The following ACO1 variants were observed in gnomAD, a reference collection of about 807,000 sequenced individuals.
ACO1 encodes the protein aconitase 1.
Under a neutral mutation model 105.1 loss-of-function variants are expected in ACO1, and 78 were observed. That is an observed-to-expected ratio of 0.74 (90% confidence interval 0.62 to 0.90). The LOEUF (loss-of-function observed/expected upper bound fraction) is 0.90, where lower values mean the gene tolerates loss of function less well. Ranked by LOEUF, ACO1 falls within the 40% of genes least tolerant of loss-of-function variation. The pLI, the probability that ACO1 is intolerant of heterozygous loss-of-function variation, is 0.00. For synonymous variants in ACO1, 364 were observed against 397.4 expected (o/e 0.92, Z 1.00); for missense variants, 965 against 1,111.1 (o/e 0.87, Z 1.87).
At chr9:32,411,134 A>G (rs1821729133) in intron 4 of ACO1, among the ~76,000 whole-genome samples, 1 of 152,152 alleles carries the variant, frequency 6.6e-6, no homozygotes, top group Non-Finnish European at 1.5e-5. Flanking sequence ...TTGAGCCCAA[A>G]GCTGGAATGG....
intron 19 of ACO1, among the ~76,000 whole-genome samples, chr9:32,446,841 T>C (rs1027100450): frequency 2.6e-5 from 4 of 152,196 alleles, no homozygotes; most frequent in African/African-American, 9.7e-5. Context: ...CCTTAACATA[T>C]GAAGCTTAGT....
chr9:32,431,575 G>C, intron 14 of ACO1, 144 bp from the exon 15 acceptor site: 1 of 826,520 alleles, frequency 1.2e-6, no homozygotes, highest in Non-Finnish European at 1.9e-6. Context: ...ATTTCCTCCA[G>C]TGGCAGTGAT....
chr9:32,402,599 G>A (rs534684665), intron 1 of ACO1, among the ~76,000 whole-genome samples: 71 of 152,262 alleles, frequency 4.7e-4, no homozygotes, highest in African/African-American at 1.7e-3. Flanking sequence ...AGAGCCTGAA[G>A]GACCAGTGAT....
chr9:32,425,888 G>C lies in ACO1; in HGVS notation c.1239G>C (p.Lys413Asn). Residue 413 changes from lysine (K) to asparagine (N), a missense_variant, in exon 11 of 21, where the codon AAG (lysine) becomes AAC (asparagine). Transcript: ENST00000309951. Reference protein sequence around the residue: ...QVAPEHHNDHKTFIYDNTEFT... With the variant: ...QVAPEHHNDHNTFIYDNTEFT... ...CTCCTGAACATCATAATGACCATAAGACCTTTATCTATGATAACACTGAAT... is the reference window on the plus strand; with the variant it reads ...CTCCTGAACATCATAATGACCATAACACCTTTATCTATGATAACACTGAAT... 1 of 1,613,832 alleles carries C rather than the reference G, an allele frequency of 6.2e-7. No individual in the cohort carries two copies. Among genetic ancestry groups the C allele is most frequent in the Non-Finnish European group, 8.5e-7 (1 of 1,179,840 alleles).
chr9:32,426,359 G>A (rs969552355), intron 11 of ACO1, among the ~76,000 whole-genome samples: 2 of 152,202 alleles, frequency 1.3e-5, no homozygotes, highest in African/African-American at 4.8e-5. Flanking sequence ...GCAGGATTGA[G>A]TTCTGACGTG....
intron 3 of ACO1, among the ~76,000 whole-genome samples, chr9:32,408,023 A>T (rs568230532): frequency 1.2e-4 from 19 of 152,362 alleles, no homozygotes; most frequent in African/African-American, 4.3e-4. Context: ...CTAGAGGAAG[A>T]TCACCAAAAT....
At chr9:32,389,367 A>G (rs1302631319) in intron 1 of ACO1, among the ~76,000 whole-genome samples, 1 of 152,192 alleles carries the variant, frequency 6.6e-6, no homozygotes, top group Non-Finnish European at 1.5e-5. Context: ...ATTACATTTG[A>G]CATTACCAAA....
intron 19 of ACO1, among the ~76,000 whole-genome samples, chr9:32,444,801 T>C (rs1822562782): frequency 6.6e-6 from 1 of 152,142 alleles, no homozygotes; most frequent in Non-Finnish European, 1.5e-5. Flanking sequence ...CAATACCTGG[T>C]TTATTGAGAG....
intron 1 of ACO1, among the ~76,000 whole-genome samples, chr9:32,403,306 G>A (rs1196587635): frequency 1.3e-5 from 2 of 152,182 alleles, no homozygotes; most frequent in Admixed American, 1.3e-4. Context: ...TAAAGAAGAT[G>A]GTGTAAAGCA....
intron 7 of ACO1, among the ~76,000 whole-genome samples, chr9:32,420,000 T>C (rs1821934283): frequency 7.2e-6 from 1 of 139,612 alleles, no homozygotes; most frequent in South Asian, 2.5e-4. Context: ...TGTGAAATTT[T>C]GAATTGGATT....
At chr9:32,397,081 G>T (rs1192130172) in intron 1 of ACO1, among the ~76,000 whole-genome samples, 3 of 152,100 alleles carry the variant, frequency 2.0e-5, no homozygotes, top group African/African-American at 7.2e-5. Flanking sequence ...ATTTGAGCAA[G>T]AAGAGACAAG....
intron 18 of ACO1, among the ~76,000 whole-genome samples, chr9:32,438,973 T>G (rs778818913): frequency 1.3e-5 from 2 of 152,212 alleles, no homozygotes; most frequent in Non-Finnish European, 2.9e-5. Context: ...ACAGAAGAAA[T>G]AGCTAAATGC....
At chr9:32,448,299 C>T (rs1822667674) in intron 19 of ACO1, among the ~76,000 whole-genome samples, 1 of 152,176 alleles carries the variant, frequency 6.6e-6, no homozygotes. Context: ...GGGCTCCACC[C>T]AGTTTAAGAC....
rs1037554283 is a variant in ACO1 at position 32,414,152 on chromosome 9, C to CA, written c.405-3967dup. Among the ~76,000 whole-genome samples the CA allele has an allele frequency of 1.6e-3, 234 of 149,776 alleles. 1 individual carries two copies. The highest frequency in any genetic ancestry group is 5.1e-3 in the African/African-American group (210 of 40,784). On this transcript the variant is annotated intron_variant, in intron 4 of 20. Transcript: ENST00000309951. ...TGGGCGACAGAGTGAGACTCCGTCT[C>CA]AAAAAAAAAGAATTTCATAACATTT... is the stretch of plus-strand genomic sequence containing the variant.
intron 1 of ACO1, among the ~76,000 whole-genome samples, chr9:32,400,701 G>A (rs1290595900): frequency 6.6e-6 from 1 of 152,128 alleles, no homozygotes; most frequent in Non-Finnish European, 1.5e-5. Context: ...TGCTAATGTA[G>A]GTATTTATGT....
At chr9:32,420,781 A>C in intron 7 of ACO1, 75 bp from the exon 8 acceptor site, 1 of 1,477,846 alleles carries the variant, frequency 6.8e-7, no homozygotes, top group Non-Finnish European at 9.3e-7. Context: ...GTTTATAAGA[A>C]GTGCAAGATG....
chr9:32,417,852 TATG>T (rs1262849287), intron 4 of ACO1, among the ~76,000 whole-genome samples: 1 of 152,256 alleles, frequency 6.6e-6, no homozygotes, highest in African/African-American at 2.4e-5. Context: ...AGTCAGACTT[TATG>T]ATTAGATTAG....
intron 6 of ACO1, among the ~76,000 whole-genome samples, chr9:32,418,762 G>C (rs1301060872): frequency 6.6e-6 from 1 of 152,134 alleles, no homozygotes; most frequent in Admixed American, 6.6e-5. Flanking sequence ...CACCTGGGGT[G>C]TTAAAAATAG....
At chr9:32,429,877 T>C (rs549586039) in intron 13 of ACO1, among the ~76,000 whole-genome samples, 97 of 152,346 alleles carry the variant, frequency 6.4e-4, no homozygotes, top group Non-Finnish European at 1.1e-3. Flanking sequence ...CAAAAGTAAC[T>C]GTGATTTTTG....
Sources: allele counts gnomAD v4.1 joint callset (sites outside exome capture counted in the v4.1 genomes callset), GRCh38; gene constraint gnomAD v4.1.1; transcripts MANE v1.5; gene names NCBI Gene and HGNC (gene_info 2026-07-23, HGNC 2026-07-21).